Variants in RNF11 observed in about 807,000 individuals in gnomAD.
RNF11 encodes the protein ring finger protein 11.
In RNF11, 4 loss-of-function variants were observed where a neutral mutation model predicts 15.8. That is an observed-to-expected ratio of 0.25 (90% CI 0.12 to 0.58). The LOEUF is 0.58. Among genes scored for constraint, RNF11 ranks in the 20% least tolerant of loss-of-function variants. RNF11 has a pLI of 0.91. For synonymous variants in RNF11, 68 were observed against 72.3 expected, an observed-to-expected ratio of 0.94 and a Z score of 0.30; for missense variants, 139 against 194.4, an observed-to-expected ratio of 0.71 and a Z score of 1.70.
intron 1 of RNF11, among the ~76,000 whole-genome samples, chr1:51,264,289 TA>T (rs1168237903): frequency 1.2e-3 from 56 of 44,972 alleles, no homozygotes; most frequent in African/African-American, 5.7e-3. Context: ...AAAAAAAAAA[TA>T]TATATATATA....
At chr1:51,269,006 T>C (rs994019903) in intron 1 of RNF11, among the ~76,000 whole-genome samples, 3 of 152,164 alleles carry the variant, frequency 2.0e-5, no homozygotes, top group African/African-American at 2.4e-5. Context: ...CTCTTTAAAG[T>C]GGGTACTGTT....
intron 1 of RNF11, among the ~76,000 whole-genome samples, chr1:51,242,815 T>G (rs1284711518): frequency 3.3e-5 from 5 of 152,216 alleles, no homozygotes; most frequent in Admixed American, 6.5e-5. Context: ...TAAATTTAGA[T>G]AATTAAAGGG....
At chr1:51,263,641 G>A (rs552522280) in intron 1 of RNF11, among the ~76,000 whole-genome samples, 21 of 152,154 alleles carry the variant, frequency 1.4e-4, no homozygotes, top group Non-Finnish European at 2.5e-4. Flanking sequence ...GGTCTGGAAC[G>A]AAACCCACAC....
At chr1:51,267,783 T>A (rs1411316282) in intron 1 of RNF11, among the ~76,000 whole-genome samples, 1 of 152,218 alleles carries the variant, frequency 6.6e-6, no homozygotes, top group Non-Finnish European at 1.5e-5. Context: ...CAGGCTAGAG[T>A]ACAGTGGCAA....
intron 1 of RNF11, 119 bp downstream of exon 1, chr1:51,236,998 C>G: frequency 7.5e-7 from 1 of 1,327,170 alleles, no homozygotes; most frequent in Non-Finnish European, 1.0e-6. Flanking sequence ...GGCATTGACC[C>G]CTTAGGGCTG....
intron 1 of RNF11, among the ~76,000 whole-genome samples, chr1:51,248,135 C>T (rs1186065400): frequency 7.9e-6 from 1 of 126,158 alleles, no homozygotes; most frequent in Non-Finnish European, 1.6e-5. Flanking sequence ...GAGCTTCGCT[C>T]TTGTTGCTCA....
At chr1:51,254,715 G>A (rs566159538) in intron 1 of RNF11, among the ~76,000 whole-genome samples, 5 of 152,030 alleles carry the variant, frequency 3.3e-5, no homozygotes, top group African/African-American at 1.2e-4. Context: ...TGCCCACCTC[G>A]TCCTCCCAAA....
Position 51,271,178 on chromosome 1 carries a change from T to C in RNF11, c.321T>C (p.Val107=). 6.2e-7 allele frequency: 1 copy of C among 1,614,114 alleles called. No individual in the cohort carries two copies. The highest frequency in any genetic ancestry group is 8.5e-7 in the Non-Finnish European group (1 of 1,179,976). Residue 107 remains valine (V), a synonymous_variant, in exon 3 of 3, where the codon GTT becomes GTC. Transcript: ENST00000242719. ...GTGTGATCTGTATGATGGACTTTGTTTATGGGGACCCAATTCGATTTCTGC... is the reference window on the plus strand; with the variant it reads ...GTGTGATCTGTATGATGGACTTTGTCTATGGGGACCCAATTCGATTTCTGC... ...RECVICMMDF[V]YGDPIRFLPC...
At chr1:51,246,942 C>T (rs2148066628) in intron 1 of RNF11, among the ~76,000 whole-genome samples, 1 of 145,562 alleles carries the variant, frequency 6.9e-6, no homozygotes, top group Non-Finnish European at 1.5e-5. Context: ...TGAGCCACTG[C>T]ATTCCAGCCT....
Position 51,270,102 on chromosome 1 carries a change from T to G in RNF11, c.270T>G (p.Asp90Glu). The change falls in exon 2 of 3, where the codon GAT becomes GAG. Residue 90 changes from aspartate (D) to glutamate (E), a missense_variant. Coordinates refer to ENST00000242719, the MANE Select transcript of RNF11 (RefSeq NM_014372.5). ...AAGGAGTTTATGACCCTGGAAGAGA[T>G]GGATCAGAAAAAAAGATCCGGGAGT... is the stretch of plus-strand genomic sequence containing the variant. ...LPKGVYDPGRDGSEKKIRECV... is the reference protein window; with the variant it reads ...LPKGVYDPGREGSEKKIRECV... The G allele has an allele frequency of 6.3e-7, 1 of 1,599,800 alleles. No individual in the cohort carries two copies.
chr1:51,241,167 A>G (rs1050878360), intron 1 of RNF11, among the ~76,000 whole-genome samples: 3 of 150,758 alleles, frequency 2.0e-5, no homozygotes, highest in Non-Finnish European at 4.4e-5. Flanking sequence ...TTATGTTGCT[A>G]GTCTCAAACT....
chr1:51,263,556 C>T (rs190776789), intron 1 of RNF11, among the ~76,000 whole-genome samples: 2 of 152,312 alleles, frequency 1.3e-5, no homozygotes, highest in East Asian at 3.9e-4. Context: ...TTCTCTGCTA[C>T]ATTTGGTAAT....
At position 51,236,846 on chromosome 1, in the gene RNF11, G is replaced by A; in HGVS notation, c.90G>A (p.Thr30=). ...ACCGGGCTAGCTTTGGCGAGGGGAC[G>A]GAGCCGGATCAGGAGCCGCCGCCGC... ...QSDRASFGEG[T]EPDQEPPPPY... is the part of the protein sequence containing the mutation. The change falls in exon 1 of 3, where the codon ACG becomes ACA. Residue 30 remains threonine (T), a synonymous_variant. Coordinates refer to ENST00000242719, the MANE Select transcript of RNF11 (RefSeq NM_014372.5). The A allele has an allele frequency of 3.1e-6, 5 of 1,611,420 alleles. No individual in the cohort carries two copies. Among genetic ancestry groups the A allele is most frequent in the Non-Finnish European group, 4.2e-6 (5 of 1,178,892 alleles).
chr1:51,266,577 C>T (rs934282397), intron 1 of RNF11, among the ~76,000 whole-genome samples: 1 of 152,074 alleles, frequency 6.6e-6, no homozygotes, highest in Non-Finnish European at 1.5e-5. Context: ...ATCCTGCTGC[C>T]TCAGTCCCCG....
intron 1 of RNF11, among the ~76,000 whole-genome samples, chr1:51,245,067 TTTTC>T (rs1381977857): frequency 6.6e-6 from 1 of 152,214 alleles, no homozygotes; most frequent in Non-Finnish European, 1.5e-5. Context: ...TTGGGATTCT[TTTTC>T]TTTCTTTGAG....
At chr1:51,258,726 C>T (rs1237660355) in intron 1 of RNF11, among the ~76,000 whole-genome samples, 1 of 152,186 alleles carries the variant, frequency 6.6e-6, no homozygotes, top group East Asian at 1.9e-4. Flanking sequence ...CCCGTGTCTT[C>T]TTTTCTATTC....
chr1:51,247,294 C>T (rs934925158), intron 1 of RNF11, among the ~76,000 whole-genome samples: 3 of 151,996 alleles, frequency 2.0e-5, no homozygotes, highest in Admixed American at 6.6e-5. Flanking sequence ...TAGCACACTA[C>T]AGCCGCAAAC....
chr1:51,238,349 G>T (rs1259976141), intron 1 of RNF11, among the ~76,000 whole-genome samples: 1 of 151,922 alleles, frequency 6.6e-6, no homozygotes, highest in Admixed American at 6.6e-5. Context: ...CCTTGTAATC[G>T]CCTCCTTCAG....
chr1:51,242,424 G>A (rs1271114447), intron 1 of RNF11, among the ~76,000 whole-genome samples: 1 of 147,778 alleles, frequency 6.8e-6, no homozygotes, highest in African/African-American at 2.5e-5. Flanking sequence ...CCAGGAATTC[G>A]AGACCAGCCT....
Sources: allele counts gnomAD v4.1 joint callset (sites outside exome capture counted in the v4.1 genomes callset), GRCh38; gene constraint gnomAD v4.1.1; transcripts MANE v1.5; gene names NCBI Gene and HGNC (gene_info 2026-07-23, HGNC 2026-07-21).